NLRP9: variants seen among roughly 807,000 people sequenced by gnomAD.
NLRP9 encodes NACHT, LRR and PYD domains-containing protein 9.
NLRP9 carries 88 observed loss-of-function variants against 83.1 expected under a neutral mutation model. That is an observed-to-expected ratio of 1.06 (90% CI 0.89 to 1.26). The LOEUF is 1.26. Among genes scored for constraint, NLRP9 ranks in the 50% most tolerant of loss-of-function variants. The pLI is 0.00. For missense variants in NLRP9, 1,308 were observed against 1,179.3 expected, an observed-to-expected ratio of 1.11 and a Z score of -1.60; for synonymous variants, 521 against 447.6, an observed-to-expected ratio of 1.16 and a Z score of -2.07.
chr19:55,717,036 T>TTC (rs1555794414), intron 4 of NLRP9, 138 bp from the exon 5 acceptor site: 26 of 454,562 alleles, frequency 5.7e-5, no homozygotes, highest in African/African-American at 3.2e-4. Flanking sequence ...TCTTTTTCTT[T>TTC]TTTTTTTTTT....
chr19:55,724,359 T>C (rs1449897794), intron 3 of NLRP9, among the ~76,000 whole-genome samples: 1 of 151,794 alleles, frequency 6.6e-6, no homozygotes, highest in Non-Finnish European at 1.5e-5. Flanking sequence ...TGTTTCTTCC[T>C]AGCCCCTCCA....
chr19:55,735,736 A>G (rs1988767651), intron 1 of NLRP9, among the ~76,000 whole-genome samples: 1 of 152,094 alleles, frequency 6.6e-6, no homozygotes, highest in Non-Finnish European at 1.5e-5. Flanking sequence ...GGCCCAGGCT[A>G]AAGTGCAGTG....
chr19:55,730,506 C>A (rs1204494227), intron 2 of NLRP9, among the ~76,000 whole-genome samples: 2 of 151,090 alleles, frequency 1.3e-5, no homozygotes, highest in Non-Finnish European at 2.9e-5. Flanking sequence ...TGGAATCAAC[C>A]TAAATGCCCA....
At position 55,711,745 on chromosome 19, in the gene NLRP9, A is replaced by G. The variant is rs1987735718; in HGVS notation, c.2843+55T>C. On this transcript the variant is annotated intron_variant, in intron 8 of 8. Transcript: ENST00000332836. ...CATGTCGCGGTTGAGCAAATGGCCA[A>G]TGAACTAAGCTCGTTCTGAAGTCAC... 10 of 1,566,062 alleles carry G rather than the reference A, an allele frequency of 6.4e-6. No individual in the cohort carries two copies. In the Admixed American group the frequency reaches 1.0e-4, roughly 16 times the overall value.
intron 2 of NLRP9, among the ~76,000 whole-genome samples, chr19:55,731,723 C>CA (rs56358571): frequency 1.0e-4 from 11 of 108,872 alleles, no homozygotes; most frequent in African/African-American, 1.8e-4. Flanking sequence ...GACTCCGTCT[C>CA]AAAAAAAAAA....
chr19:55,724,002 T>G lies in NLRP9; in HGVS notation c.2137A>C (p.Met713Leu). Reference protein sequence around the residue: ...RHLCETLKHPMCKIEELILGK... With the variant: ...RHLCETLKHPLCKIEELILGK... The stretch of plus-strand genomic sequence containing the variant: ...TACATCAGCTCTTCTATCTTGCACA[T>G]TGGATGTTTCAGCGTCTCACACAGG... Residue 713 changes from methionine (M) to leucine (L), a missense_variant, in exon 4 of 9, where the codon ATG becomes CTG. Physicochemically the swap from Met to Leu is conservative, Grantham distance 15. Transcript: ENST00000332836. 4 of 1,613,876 alleles carry G rather than the reference T, an allele frequency of 2.5e-6. No homozygotes were observed. Among genetic ancestry groups the G allele is most frequent in the Non-Finnish European group, 3.4e-6 (4 of 1,179,892 alleles).
intron 1 of NLRP9, among the ~76,000 whole-genome samples, chr19:55,734,530 T>C (rs992113196): frequency 8.3e-5 from 7 of 84,564 alleles, no homozygotes; most frequent in African/African-American, 3.2e-4. Flanking sequence ...CACACACATA[T>C]ATATATATAT....
Position 55,733,379 on chromosome 19 carries a change from T to A in NLRP9, c.452A>T (p.Glu151Val), listed in dbSNP as rs1210045471. ...TGTTTTTCCAATTCCATCAGGACCT[T>A]CCAGGACCACAGTGTGTCGTCTAGC... ...AAARRHTVVL[E>V]GPDGIGKTTL... Residue 151 changes from glutamate (E) to valine (V), a missense_variant, in exon 2 of 9, where the codon GAA becomes GTA. Coordinates refer to ENST00000332836, the MANE Select transcript of NLRP9 (RefSeq NM_176820.4). The A allele has an allele frequency of 1.2e-6, 2 of 1,614,182 alleles. No individual in the cohort carries two copies. The highest frequency in any genetic ancestry group is 3.3e-5 in the Admixed American group (2 of 60,020).
At chr19:55,731,026 A>G (rs1378317536) in intron 2 of NLRP9, among the ~76,000 whole-genome samples, 2 of 152,176 alleles carry the variant, frequency 1.3e-5, no homozygotes, top group African/African-American at 4.8e-5. Context: ...AAGCTATTCA[A>G]CCTTATTCTG....
intron 1 of NLRP9, among the ~76,000 whole-genome samples, chr19:55,737,005 T>A (rs1009354237): frequency 1.3e-5 from 2 of 151,988 alleles, no homozygotes; most frequent in Non-Finnish European, 2.9e-5. Flanking sequence ...CAGAAGTTGA[T>A]GGAACTCAAA....
At chr19:55,721,545 C>T (rs1167863129) in intron 4 of NLRP9, among the ~76,000 whole-genome samples, 4 of 152,102 alleles carry the variant, frequency 2.6e-5, no homozygotes, top group African/African-American at 9.7e-5. Context: ...CTAATCTCTC[C>T]TAGGGCACTT....
At chr19:55,712,072 T>C (rs547798101) in intron 7 of NLRP9, 102 bp from the exon 8 acceptor site, 564 of 1,187,782 alleles carry the variant, frequency 4.7e-4, no homozygotes, top group Admixed American at 1.8e-3. Flanking sequence ...CAGGACGCTC[T>C]GCTGTCTAGA....
At chr19:55,717,033 C>A in intron 4 of NLRP9, 135 bp from the exon 5 acceptor site, 3 of 365,964 alleles carry the variant, frequency 8.2e-6, no homozygotes, top group South Asian at 3.7e-5. Context: ...GACTCTTTTT[C>A]TTTTTTTTTT....
At chr19:55,720,571 C>A (rs533492986) in intron 4 of NLRP9, among the ~76,000 whole-genome samples, 18 of 152,278 alleles carry the variant, frequency 1.2e-4, no homozygotes, top group African/African-American at 3.9e-4. Flanking sequence ...CTCAAACAAT[C>A]CTCCTGCCTC....
chr19:55,716,595 AAGGAACTC>A (rs1988022804), intron 5 of NLRP9, 125 bp downstream of exon 5: 1 of 708,766 alleles, frequency 1.4e-6, no homozygotes, highest in South Asian at 1.8e-5. Flanking sequence ...AGGCGTGGGA[AAGGAACTC>A]AGGTCTAGCT....
At chr19:55,730,043 A>C in intron 2 of NLRP9, 51 bp from the exon 3 acceptor site, 1 of 1,540,086 alleles carries the variant, frequency 6.5e-7, no homozygotes, top group Non-Finnish European at 8.9e-7. Context: ...TCAATTCAAG[A>C]CATTCTCAAA....
chr19:55,720,200 A>T (rs546998189), intron 4 of NLRP9, among the ~76,000 whole-genome samples: 1 of 152,180 alleles, frequency 6.6e-6, no homozygotes, highest in Non-Finnish European at 1.5e-5. Context: ...ATTTTTTTTA[A>T]ACCTGACTTT....
intron 3 of NLRP9, among the ~76,000 whole-genome samples, chr19:55,727,636 C>G (rs952315084): frequency 7.9e-5 from 12 of 152,176 alleles, no homozygotes; most frequent in Admixed American, 6.6e-4. Flanking sequence ...GTGAGGTCCA[C>G]TTTTTACTCT....
chr19:55,735,652 C>T (rs1465974996), intron 1 of NLRP9, among the ~76,000 whole-genome samples: 3 of 152,094 alleles, frequency 2.0e-5, no homozygotes, highest in African/African-American at 7.2e-5. Flanking sequence ...TAAATTCATG[C>T]ACATTTTTCA....
Sources: allele counts gnomAD v4.1 joint callset (sites outside exome capture counted in the v4.1 genomes callset), GRCh38; gene constraint gnomAD v4.1.1; transcripts MANE v1.5; gene names NCBI Gene and HGNC (gene_info 2026-07-23, HGNC 2026-07-21).